Variants in GPC6 observed in about 807,000 individuals in gnomAD.
The protein encoded by GPC6 is glypican 6.
GPC6 carries 14 observed loss-of-function variants against 55.2 expected under a neutral mutation model. The observed-to-expected ratio is 0.25, with a 90% CI of 0.17 to 0.40. The LOEUF (loss-of-function observed/expected upper bound fraction) is 0.40, where lower values mean the gene tolerates loss of function less well. GPC6 is among the 10% of genes least tolerant of loss of function. The probability of loss-of-function intolerance (pLI) is 1.00; values close to 1 mark genes in which losing one functional copy is unlikely to be tolerated. For synonymous variants in GPC6, 278 were observed against 259.6 expected, an observed-to-expected ratio of 1.07 and a Z score of -0.68; for missense variants, 641 against 708.5, an observed-to-expected ratio of 0.90 and a Z score of 1.08.
At chr13:93,522,208 G>C (rs953477023) in intron 1 of GPC6, among the ~76,000 whole-genome samples, 3 of 151,914 alleles carry the variant, frequency 2.0e-5, no homozygotes, top group Non-Finnish European at 4.4e-5. Flanking sequence ...TTACAACTCT[G>C]TTGGTTAGAG....
chr13:93,923,570 C>G (rs945221065), intron 3 of GPC6, among the ~76,000 whole-genome samples: 1 of 152,122 alleles, frequency 6.6e-6, no homozygotes, highest in Non-Finnish European at 1.5e-5. Flanking sequence ...TCTTAGCAGA[C>G]ATAATACTTC....
chr13:93,478,138 C>G (rs1879368337), intron 1 of GPC6, among the ~76,000 whole-genome samples: 1 of 152,034 alleles, frequency 6.6e-6, no homozygotes, highest in Non-Finnish European at 1.5e-5. Flanking sequence ...GAAAATTCAG[C>G]CTAGAAATCA....
intron 4 of GPC6, among the ~76,000 whole-genome samples, chr13:94,161,091 T>G (rs1888148087): frequency 6.6e-6 from 1 of 152,228 alleles, no homozygotes; most frequent in African/African-American, 2.4e-5. Flanking sequence ...GATGTTTGTT[T>G]AAGGTGTTTG....
Position 94,149,597 on chromosome 13 carries a change from T to G in GPC6, c.877+121703T>G, listed in dbSNP as rs144203343. Reference sequence around the variant, plus strand: ...ACAATGAGGGTCAGAATGTCATGAGTAAGTTATCATATTTGGAATCGTGAT... The same window carrying G: ...ACAATGAGGGTCAGAATGTCATGAGGAAGTTATCATATTTGGAATCGTGAT... On this transcript the variant is annotated intron_variant, in intron 4 of 8. Transcript: ENST00000377047. Among the ~76,000 whole-genome samples, 10 of 152,120 alleles carry G rather than the reference T, an allele frequency of 6.6e-5. No individual in the cohort carries two copies. In the East Asian group the frequency reaches 1.9e-3, roughly 30 times the overall value.
At chr13:94,043,075 A>G (rs953466759) in intron 4 of GPC6, among the ~76,000 whole-genome samples, 4 of 151,798 alleles carry the variant, frequency 2.6e-5, no homozygotes, top group Admixed American at 6.6e-5. Flanking sequence ...TCCTTCTGAC[A>G]TGGTCCCCAT....
At chr13:93,655,387 A>G (rs572035288) in intron 2 of GPC6, among the ~76,000 whole-genome samples, 2 of 152,290 alleles carry the variant, frequency 1.3e-5, no homozygotes, top group Non-Finnish European at 2.9e-5. Flanking sequence ...CTCTTGAAAC[A>G]GAGTGGTACA....
chr13:94,151,960 T>C (rs1319007284), intron 4 of GPC6, among the ~76,000 whole-genome samples: 1 of 152,196 alleles, frequency 6.6e-6, no homozygotes, highest in East Asian at 1.9e-4. Context: ...TTTTTCTTTC[T>C]TTTTTATTGA....
At position 93,470,141 on chromosome 13, in the gene GPC6, T is replaced by C. The variant is rs186201912; in HGVS notation, c.161-75122T>C. On this transcript the variant is annotated intron_variant, in intron 1 of 8. Coordinates refer to ENST00000377047, the MANE Select transcript of GPC6 (RefSeq NM_005708.5). ...AATTTTAAAATCAGCTTGTCTATAC[T>C]GACAAACTATATTCCCATAGAGATT... is the stretch of plus-strand genomic sequence containing the variant. 2.4e-3 allele frequency among the ~76,000 whole-genome samples: 368 copies of C among 151,724 alleles called. 2 individuals are homozygous for C. Among genetic ancestry groups the C allele is most frequent in the African/African-American group, 8.6e-3 (357 of 41,448 alleles).
At chr13:94,226,072 C>T (rs560191850) in intron 4 of GPC6, among the ~76,000 whole-genome samples, 13 of 152,300 alleles carry the variant, frequency 8.5e-5, no homozygotes, top group African/African-American at 2.6e-4. Flanking sequence ...TGTGACACCA[C>T]ACTGCCACTC....
intron 1 of GPC6, among the ~76,000 whole-genome samples, chr13:93,303,134 G>T: frequency 6.6e-6 from 1 of 152,140 alleles, no homozygotes; most frequent in East Asian, 1.9e-4. Flanking sequence ...ATAAAAGCCT[G>T]TTTCTTACAC....
At chr13:93,970,944 T>G (rs1210643875) in intron 3 of GPC6, among the ~76,000 whole-genome samples, 13 of 152,366 alleles carry the variant, frequency 8.5e-5, no homozygotes, top group Admixed American at 3.3e-4. Flanking sequence ...AGGACTTGCA[T>G]TTTGATAGTT....
chr13:94,078,726 C>A (rs1566374659), intron 4 of GPC6, among the ~76,000 whole-genome samples: 1 of 151,862 alleles, frequency 6.6e-6, no homozygotes, highest in Non-Finnish European at 1.5e-5. Flanking sequence ...AGAACACCAA[C>A]AAGTAACAAG....
intron 1 of GPC6, among the ~76,000 whole-genome samples, chr13:93,420,328 T>C (rs549379049): frequency 1.2e-4 from 18 of 152,258 alleles, no homozygotes; most frequent in African/African-American, 3.9e-4. Flanking sequence ...AGGAAAGGTC[T>C]TTTGAGGAGG....
chr13:94,197,542 T>C (rs1331470121), intron 4 of GPC6, among the ~76,000 whole-genome samples: 1 of 152,096 alleles, frequency 6.6e-6, no homozygotes, highest in Admixed American at 6.6e-5. Context: ...AGAGAGAGAG[T>C]GAGCTCTCTG....
intron 2 of GPC6, among the ~76,000 whole-genome samples, chr13:93,627,252 T>C (rs899103796): frequency 6.6e-6 from 1 of 151,352 alleles, no homozygotes; most frequent in African/African-American, 2.4e-5. Flanking sequence ...GAACATGTGG[T>C]GTTTGGTTTT....
At chr13:94,168,199 T>G (rs1490059255) in intron 4 of GPC6, among the ~76,000 whole-genome samples, 1 of 152,230 alleles carries the variant, frequency 6.6e-6, no homozygotes, top group Non-Finnish European at 1.5e-5. Context: ...ACCTGCCCTC[T>G]TTACATTCTA....
intron 4 of GPC6, among the ~76,000 whole-genome samples, chr13:94,174,822 T>C (rs1888689686): frequency 6.6e-6 from 1 of 152,124 alleles, no homozygotes. Context: ...ATATGCCCAT[T>C]TTAGAGCCAG....
chr13:94,034,952 T>C (rs1335737592), intron 4 of GPC6, among the ~76,000 whole-genome samples: 1 of 150,742 alleles, frequency 6.6e-6, no homozygotes, highest in Non-Finnish European at 1.5e-5. Context: ...ATAGGAAGTT[T>C]ACTAAAGTAC....
intron 2 of GPC6, among the ~76,000 whole-genome samples, chr13:93,621,635 A>T (rs754842427): frequency 3.9e-4 from 59 of 152,184 alleles, no homozygotes; most frequent in Non-Finnish European, 7.3e-4. Flanking sequence ...TCAAAAATAT[A>T]GTAATAGAGT....
Sources: gnomAD v4.1 joint callset for allele counts (sites outside exome capture counted in the v4.1 genomes callset) on GRCh38, gnomAD v4.1.1 for gene constraint, MANE v1.5 for transcripts, NCBI Gene and HGNC (gene_info 2026-07-23, HGNC 2026-07-21) for gene names.